DNAH5: variants seen among roughly 807,000 people sequenced by gnomAD.
The protein encoded by DNAH5 is axonemal beta dynein heavy chain 5.
A neutral mutation model predicts 518.2 loss-of-function variants in DNAH5; 372 were observed. The ratio of observed to expected loss-of-function variants is 0.72; its 90% CI spans 0.66 to 0.78. The LOEUF (loss-of-function observed/expected upper bound fraction) is 0.78, where lower values mean the gene tolerates loss of function less well. Among genes scored for constraint, DNAH5 ranks in the 30% least tolerant of loss-of-function variants. The pLI, the probability that DNAH5 is intolerant of heterozygous loss-of-function variation, is 0.00. For missense variants in DNAH5, 5,523 were observed against 5,687.0 expected (o/e 0.97, Z 0.93); for synonymous variants, 2,039 against 2,025.9 (o/e 1.01, Z -0.17).
Position 13,735,701 on chromosome 5 carries a change from G to A in DNAH5, c.11570+117C>T, listed in dbSNP as rs1747295884. The stretch of plus-strand genomic sequence containing the variant: ...AACACATTGGTAATTACACTGATCT[G>A]AGATTTAAAAAAGAAAAAGACTCTT... On this transcript the variant is annotated intron_variant, in intron 67 of 78. Transcript: ENST00000265104. The A allele has an allele frequency of 3.4e-6, 3 of 894,552 alleles. No individual in the cohort carries two copies. In the African/African-American group the frequency reaches 4.9e-5, roughly 15 times the overall value. The allele number at this position is 894,552 out of a possible 1,614,324, so 55.4% of individuals were successfully genotyped here.
intron 38 of DNAH5, among the ~76,000 whole-genome samples, chr5:13,826,246 G>A (rs1251146590): frequency 6.6e-6 from 1 of 152,226 alleles, no homozygotes; most frequent in Non-Finnish European, 1.5e-5. Context: ...GTGAACATGG[G>A]TGGTAGGAGT....
At chr5:13,794,694 G>A (rs185377780) in intron 47 of DNAH5, among the ~76,000 whole-genome samples, 4 of 152,288 alleles carry the variant, frequency 2.6e-5, no homozygotes, top group South Asian at 2.1e-4. Flanking sequence ...GGCCGGGCAC[G>A]GTGGCTGATG....
chr5:13,864,418 C>T lies in DNAH5; in HGVS notation c.4575G>A (p.Leu1525=). ...CTACCTCTATTTCCTCTTTATATTTCAGAAGAGGTGCCTCCATGATATTTC... is the reference window on the plus strand; with the variant it reads ...CTACCTCTATTTCCTCTTTATATTTTAGAAGAGGTGCCTCCATGATATTTC... ...KLRNIMEAPL[L]KYKEEIEDIC... is the part of the protein sequence containing the mutation. The change falls in exon 28 of 79, where the codon CTG becomes CTA. Residue 1525 remains leucine (L), a synonymous_variant. Transcript: ENST00000265104. 1 of 1,614,000 alleles carries T rather than the reference C, an allele frequency of 6.2e-7. No homozygotes were observed. Among genetic ancestry groups the T allele is most frequent in the Non-Finnish European group, 8.5e-7 (1 of 1,179,954 alleles).
chr5:13,747,833 T>C (rs556093304), intron 65 of DNAH5, among the ~76,000 whole-genome samples: 12 of 152,376 alleles, frequency 7.9e-5, no homozygotes, highest in African/African-American at 2.4e-4. Flanking sequence ...TTCTGTAGGT[T>C]GCCTGTTCAC....
At chr5:13,693,901 T>C (rs982386698) in intron 78 of DNAH5, among the ~76,000 whole-genome samples, 12 of 152,242 alleles carry the variant, frequency 7.9e-5, no homozygotes, top group African/African-American at 2.9e-4. Flanking sequence ...CATATATCAC[T>C]AGTGATAATC....
intron 76 of DNAH5, among the ~76,000 whole-genome samples, chr5:13,704,104 G>T (rs1375798232): frequency 6.6e-6 from 1 of 152,202 alleles, no homozygotes; most frequent in Non-Finnish European, 1.5e-5. Flanking sequence ...GGGGCATAAG[G>T]AAGTAGGGTG....
At chr5:13,749,721 A>G (rs923770215) in intron 65 of DNAH5, among the ~76,000 whole-genome samples, 4 of 152,218 alleles carry the variant, frequency 2.6e-5, no homozygotes, top group African/African-American at 4.8e-5. Flanking sequence ...TACCAGTGAC[A>G]GAGGTGGCCC....
chr5:13,790,867 A>T (rs1756872685), intron 50 of DNAH5, among the ~76,000 whole-genome samples: 1 of 152,168 alleles, frequency 6.6e-6, no homozygotes, highest in African/African-American at 2.4e-5. Context: ...GAGCTAAATG[A>T]TGAGAACTCA....
intron 1 of DNAH5, among the ~76,000 whole-genome samples, chr5:13,940,163 G>C (rs896696242): frequency 6.6e-6 from 1 of 151,820 alleles, no homozygotes; most frequent in Non-Finnish European, 1.5e-5. Context: ...GGCATATCCC[G>C]GTGTCCACAG....
rs776065143 is a variant in DNAH5, at chr5:13,701,361, C to A, written c.13414G>T (p.Val4472Phe). ...AAGCAGTGAGGTCGGCCATTGAAAA[C>A]CCACGAGGTAAACTGGCTGTTTCTT... ...IERNSQFTSW[V>F]FNGRPHCFWM... Residue 4472 changes from valine to phenylalanine, a missense_variant, in exon 77 of 79, where the codon GTT becomes TTT. Around this residue, in one of 3 missense-constraint regions of DNAH5, gnomAD observed 387 missense variants for 430.0 expected, o/e 0.90. Coordinates refer to ENST00000265104, the MANE Select transcript of DNAH5 (RefSeq NM_001369.3). 1.9e-6 allele frequency: 3 copies of A among 1,614,056 alleles called. No homozygotes were observed. The highest frequency in any genetic ancestry group is 2.2e-5 in the South Asian group (2 of 91,082).
chr5:13,903,668 C>T (rs978924682), intron 12 of DNAH5, among the ~76,000 whole-genome samples: 3 of 151,914 alleles, frequency 2.0e-5, no homozygotes, highest in Admixed American at 1.3e-4. Context: ...GCAAATACCT[C>T]GTGGAGAACA....
At chr5:13,762,417 T>C (rs1398837971) in intron 60 of DNAH5, among the ~76,000 whole-genome samples, 3 of 150,720 alleles carry the variant, frequency 2.0e-5, no homozygotes, top group Non-Finnish European at 4.4e-5. Flanking sequence ...TTTTTGTTTG[T>C]TTGTTTTTGT....
intron 17 of DNAH5, among the ~76,000 whole-genome samples, 185 bp downstream of exon 17, chr5:13,890,791 C>T (rs978498987): frequency 3.9e-5 from 6 of 152,034 alleles, no homozygotes; most frequent in African/African-American, 1.4e-4. Flanking sequence ...GCTAAGTGAC[C>T]GCTTACTTAG....
chr5:13,819,484 T>C (rs1305437689), intron 41 of DNAH5, among the ~76,000 whole-genome samples: 3 of 152,076 alleles, frequency 2.0e-5, no homozygotes, highest in Admixed American at 1.3e-4. Context: ...GTTGCATCAG[T>C]AGCAGTGCAC....
chr5:13,845,087 G>A (rs998291523), intron 31 of DNAH5, 94 bp from the exon 32 acceptor site: 18 of 1,195,980 alleles, frequency 1.5e-5, no homozygotes, highest in Non-Finnish European at 2.2e-5. Context: ...GGAGAAGATT[G>A]TGTGACTTGT....
In DNAH5 at chr5:13,850,664, T is replaced by A; in HGVS notation, c.5102A>T (p.Lys1701Ile). The stretch of plus-strand genomic sequence containing the variant: ...CCAGTGAACTTACCCAGTAAGGGAT[T>A]TCTGGCATATTTCCAACTGGTCCAG... Reference protein sequence around the residue: ...HLLDQLEICQKSLTGYLEKKR... With the variant: ...HLLDQLEICQISLTGYLEKKR... Residue 1701 changes from lysine (K) to isoleucine (I), a missense_variant, in exon 31 of 79, where the codon AAA (lysine) becomes ATA (isoleucine). This residue lies in a region of DNAH5 where 5,121 missense variants were observed against 5,223.3 expected (regional missense o/e 0.98). Coordinates refer to ENST00000265104, the MANE Select transcript of DNAH5 (RefSeq NM_001369.3). 1 of 1,614,028 alleles carries A rather than the reference T, an allele frequency of 6.2e-7. No individual in the cohort carries two copies. The highest frequency in any genetic ancestry group is 8.5e-7 in the Non-Finnish European group (1 of 1,179,962).
At chr5:13,820,306 A>C in intron 41 of DNAH5, 40 bp downstream of exon 41, 2 of 1,601,554 alleles carry the variant, frequency 1.2e-6, no homozygotes. Flanking sequence ...ACCACTACTT[A>C]AATGGGCCAC....
intron 24 of DNAH5, 39 bp downstream of exon 24, chr5:13,870,728 T>A (rs776682607): frequency 3.2e-6 from 5 of 1,553,926 alleles, no homozygotes; most frequent in Non-Finnish European, 4.4e-6. Context: ...ATCCAACATG[T>A]AGAAATATTT....
chr5:13,989,791 CTA>C (rs1295183706), intron 1 of DNAH5, among the ~76,000 whole-genome samples: 1 of 152,044 alleles, frequency 6.6e-6, no homozygotes, highest in African/African-American at 2.4e-5. Flanking sequence ...CCGAGGGAGA[CTA>C]TTAATAGTGA....
Sources: gnomAD v4.1 joint callset for allele counts (sites outside exome capture counted in the v4.1 genomes callset) on GRCh38, gnomAD v4.1.1 for gene constraint, gnomAD v4.1.1 regional missense constraint, MANE v1.5 for transcripts, NCBI Gene and HGNC (gene_info 2026-07-23, HGNC 2026-07-21) for gene names.